The following SCUBE1 variants were observed in gnomAD, a reference collection of about 807,000 sequenced individuals.
SCUBE1 encodes the protein signal peptide, CUB domain and EGF like domain containing 1.
SCUBE1 carries 59 observed loss-of-function variants against 124.4 expected under a neutral mutation model. The observed-to-expected ratio is 0.47, with a 90% confidence interval of 0.38 to 0.59. The LOEUF (loss-of-function observed/expected upper bound fraction) is 0.59. Ranked by LOEUF, SCUBE1 falls within the 20% of genes least tolerant of loss-of-function variation. SCUBE1 has a pLI of 0.00. For missense variants in SCUBE1, 1,150 were observed against 1,371.2 expected (o/e 0.84, Z 2.55); for synonymous variants, 545 against 550.9 (o/e 0.99, Z 0.15).
rs748748960 is a variant in SCUBE1 at position 43,211,007 on chromosome 22, G to A, written c.2298C>T (p.Pro766=). 23 of 1,613,994 alleles carry A rather than the reference G, an allele frequency of 1.4e-5. No homozygotes were observed. Among genetic ancestry groups the A allele is most frequent in the Non-Finnish European group, 1.7e-5 (20 of 1,180,032 alleles). The change falls in exon 18 of 22, where the codon CCC becomes CCT. Residue 766 remains proline, a synonymous_variant. Transcript: ENST00000360835. The surrounding 1 kb of genome is among the most constrained non-coding windows in gnomAD (Gnocchi z 4.5). ...CIRCPVGTYQ[P]EFGQNHCITC... is the part of the protein sequence containing the mutation. The stretch of plus-strand genomic sequence containing the variant: ...TGATGCAGTGGTTCTGGCCAAACTC[G>A]GGCTGGTAGGTGCCGACGGGGCAGC...
intron 4 of SCUBE1, chr22:43,282,426 C>G (rs9612033): frequency 6.6e-6 from 1 of 152,290 alleles, no homozygotes; most frequent in African/African-American, 2.4e-5. Context: ...GTTTCTGGCT[C>G]CCTGTCTCCA....
chr22:43,300,739 A>G (rs1925741341), intron 3 of SCUBE1, among the ~76,000 whole-genome samples: 2 of 152,102 alleles, frequency 1.3e-5, no homozygotes, highest in African/African-American at 2.4e-5. Flanking sequence ...AGTGCAGGTC[A>G]GTGGGGCCTG....
In SCUBE1 at chr22:43,262,736, G is replaced by A. The variant is rs1408433552; in HGVS notation, c.594C>T (p.Asn198=). 1.2e-6 allele frequency: 2 copies of A among 1,614,078 alleles called. No individual in the cohort carries two copies. Among genetic ancestry groups the A allele is most frequent in the African/African-American group, 1.3e-5 (1 of 75,046 alleles). The change falls in exon 5 of 22, where the codon AAC becomes AAT. Residue 198 remains asparagine (N), a synonymous_variant. Coordinates refer to ENST00000360835, the MANE Select transcript of SCUBE1 (RefSeq NM_173050.5). ...TCTACCTACGTGTGCAGTCCTTCTG[G>A]TTTTGGGCAAGGTCAAAGCCGGGCC... is the stretch of plus-strand genomic sequence containing the variant. ...DCRPGFDLAQ[N]QKDCTLTCNY...
intron 4 of SCUBE1, among the ~76,000 whole-genome samples, chr22:43,268,132 A>C (rs939944390): frequency 6.6e-6 from 1 of 152,160 alleles, no homozygotes. Flanking sequence ...CCAGCCTGTG[A>C]GCTCTTCCAG....
At chr22:43,301,152 C>T (rs982006247) in intron 3 of SCUBE1, among the ~76,000 whole-genome samples, 1 of 152,198 alleles carries the variant, frequency 6.6e-6, no homozygotes, top group Non-Finnish European at 1.5e-5. Flanking sequence ...TCAATTCTGC[C>T]TGTGAAATTC....
Position 43,210,508 on chromosome 22 carries a change from G to A in SCUBE1, c.2384-268C>T, listed in dbSNP as rs565313483. Among the ~76,000 whole-genome samples the A allele has an allele frequency of 6.6e-6, 1 of 152,312 alleles. No individual in the cohort carries two copies. Among genetic ancestry groups the A allele is most frequent in the African/African-American group, 2.4e-5 (1 of 41,576 alleles). On this transcript the variant is annotated intron_variant, in intron 18 of 21. Coordinates refer to ENST00000360835, the MANE Select transcript of SCUBE1 (RefSeq NM_173050.5). This position sits in a 1 kb window ranked among gnomAD's most constrained non-coding sequence, Gnocchi z 4.5. ...TCTTACTGGGCTGCCATGCCTGCAG[G>A]CCCACCCTATTTCTCTGTGGCTGGG...
intron 4 of SCUBE1, among the ~76,000 whole-genome samples, chr22:43,276,516 C>T (rs1421179244): frequency 6.6e-6 from 1 of 152,206 alleles, no homozygotes; most frequent in African/African-American, 2.4e-5. Flanking sequence ...CTTGTGGCCA[C>T]AGTCACAACC....
chr22:43,293,575 T>C (rs764240018), intron 3 of SCUBE1, among the ~76,000 whole-genome samples: 8 of 152,228 alleles, frequency 5.3e-5, no homozygotes, highest in Non-Finnish European at 5.9e-5. Context: ...GTGAGGAGCA[T>C]CGGGAAGGAC....
intron 15 of SCUBE1, among the ~76,000 whole-genome samples, chr22:43,214,792 TG>T (rs1899228139): frequency 6.6e-6 from 1 of 152,154 alleles, no homozygotes; most frequent in South Asian, 2.1e-4. Flanking sequence ...TTGGCTACAC[TG>T]AACAAATACG....
At chr22:43,291,359 C>T (rs1925350250) in intron 3 of SCUBE1, among the ~76,000 whole-genome samples, 179 bp from the exon 4 acceptor site, 1 of 152,214 alleles carries the variant, frequency 6.6e-6, no homozygotes, top group South Asian at 2.1e-4. Flanking sequence ...CTCCACGGCC[C>T]TGCACCATGG....
At chr22:43,271,231 C>T (rs775464502) in intron 4 of SCUBE1, among the ~76,000 whole-genome samples, 76 of 152,314 alleles carry the variant, frequency 5.0e-4, no homozygotes, top group Middle Eastern at 3.4e-3. Context: ...GCTCATAGCA[C>T]TCACCACACT....
intron 10 of SCUBE1, among the ~76,000 whole-genome samples, chr22:43,224,318 T>A (rs180821557): frequency 2.6e-5 from 4 of 152,246 alleles, no homozygotes; most frequent in Admixed American, 6.5e-5. Context: ...ACTGCTTTGT[T>A]AGCAAGTGGG....
intron 8 of SCUBE1, 101 bp downstream of exon 8, chr22:43,231,652 C>A: frequency 7.0e-7 from 1 of 1,433,768 alleles, no homozygotes. Context: ...CCAGCCCCAT[C>A]CGCATTCCCC....
chr22:43,285,038 A>G (rs1025519008), intron 4 of SCUBE1, among the ~76,000 whole-genome samples: 1 of 152,182 alleles, frequency 6.6e-6, no homozygotes, highest in Non-Finnish European at 1.5e-5. Flanking sequence ...GGGTAAACTC[A>G]TGCAGTCCTT....
Position 43,339,229 on chromosome 22 carries a change from A to G in SCUBE1, c.95T>C (p.Val32Ala). ...LAGGSGLPGSVDVDECSEGTD... is the reference protein window; with the variant it reads ...LAGGSGLPGSADVDECSEGTD... ...GCCCTCTGAGCACTCATCCACGTCG[A>G]CTGACCCTGTGGGTAGGGGTGTGGG... is the stretch of plus-strand genomic sequence containing the variant. The change falls in exon 2 of 22, where the codon GTC becomes GCC. Residue 32 changes from valine (V) to alanine (A), a missense_variant. Val to Ala is a moderately conservative substitution (Grantham distance 64, BLOSUM62 0). Coordinates refer to ENST00000360835, the MANE Select transcript of SCUBE1 (RefSeq NM_173050.5). The G allele has an allele frequency of 6.2e-7, 1 of 1,613,504 alleles. No homozygotes were observed. The highest frequency in any genetic ancestry group is 8.5e-7 in the Non-Finnish European group (1 of 1,179,612).
At chr22:43,304,820 C>T (rs1300126960) in intron 3 of SCUBE1, among the ~76,000 whole-genome samples, 2 of 152,302 alleles carry the variant, frequency 1.3e-5, no homozygotes, top group East Asian at 3.9e-4. Flanking sequence ...ACCCTCCACT[C>T]ACTCCAGGTA....
At position 43,258,210 on chromosome 22, in the gene SCUBE1, C is replaced by T. The variant is rs761774756; in HGVS notation, c.727+9G>A. The stretch of plus-strand genomic sequence containing the variant: ...GCAAGGGTGGTGTGTGGCAGAGGTG[C>T]CTACTTACCGATGCACGTGCGACCG... On this transcript the variant is annotated intron_variant, in intron 6 of 21. Coordinates refer to ENST00000360835, the MANE Select transcript of SCUBE1 (RefSeq NM_173050.5). This position sits in a 1 kb window ranked among gnomAD's most constrained non-coding sequence, Gnocchi z 5.0. The T allele has an allele frequency of 8.2e-6, 13 of 1,595,048 alleles. No homozygotes were observed. Among genetic ancestry groups the T allele is most frequent in the Non-Finnish European group, 1.1e-5 (13 of 1,163,554 alleles).
At chr22:43,271,683 C>T (rs533080319) in intron 4 of SCUBE1, among the ~76,000 whole-genome samples, 10 of 152,226 alleles carry the variant, frequency 6.6e-5, no homozygotes, top group South Asian at 4.2e-4. Context: ...CTAGGCCTGC[C>T]GGGAACCAAC....
chr22:43,313,240 A>G (rs886188591), intron 3 of SCUBE1, among the ~76,000 whole-genome samples: 25 of 152,318 alleles, frequency 1.6e-4, no homozygotes, highest in Admixed American at 1.5e-3. Context: ...TGAAATGGAG[A>G]GAGCTGGCTA....
Sources: gnomAD v4.1 joint callset for allele counts (sites outside exome capture counted in the v4.1 genomes callset) on GRCh38, gnomAD v4.1.1 for gene constraint, Gnocchi (gnomAD v3.1) non-coding constraint, MANE v1.5 for transcripts, NCBI Gene and HGNC (gene_info 2026-07-23, HGNC 2026-07-21) for gene names.